Variants in LRGUK observed in about 807,000 individuals in gnomAD.
The protein encoded by LRGUK is leucine-rich repeat and guanylate kinase domain-containing protein.
In LRGUK, 65 loss-of-function variants were observed where a neutral mutation model predicts 76.0. The ratio of observed to expected loss-of-function variants is 0.85; its 90% CI spans 0.70 to 1.05. The LOEUF (loss-of-function observed/expected upper bound fraction) is 1.05, where lower values mean the gene tolerates loss of function less well. Among genes scored for constraint, LRGUK ranks in the 50% least tolerant of loss-of-function variants. LRGUK has a pLI of 0.00. For missense variants in LRGUK, 758 were observed against 732.8 expected, an observed-to-expected ratio of 1.03 and a Z score of -0.40; for synonymous variants, 268 against 265.6, an observed-to-expected ratio of 1.01 and a Z score of -0.09.
chr7:134,222,626 T>TG (rs1801629687), intron 16 of LRGUK, among the ~76,000 whole-genome samples: 1 of 152,074 alleles, frequency 6.6e-6, no homozygotes, highest in Admixed American at 6.5e-5. Context: ...TTTTTTTTTT[T>TG]GAGACGGAGT....
At chr7:134,263,533 C>A (rs559034468) in intron 19 of LRGUK, among the ~76,000 whole-genome samples, 1 of 149,786 alleles carries the variant, frequency 6.7e-6, no homozygotes, top group Admixed American at 6.8e-5. Context: ...GGTCATTGGG[C>A]AACTCTATAC....
intron 18 of LRGUK, among the ~76,000 whole-genome samples, chr7:134,254,612 C>T (rs550662219): frequency 1.3e-5 from 2 of 152,250 alleles, no homozygotes; most frequent in Admixed American, 6.5e-5. Flanking sequence ...ACCTAAGCAC[C>T]TCCTGAAGAC....
chr7:134,213,399 A>T (rs1801348058), downstream of LRGUK, among the ~76,000 whole-genome samples: 1 of 152,142 alleles, frequency 6.6e-6, no homozygotes, highest in Non-Finnish European at 1.5e-5. Context: ...TTAGGTAAAT[A>T]TTTAGATTGC....
chr7:134,273,881 A>G, the LRGUK span, among the ~76,000 whole-genome samples: 2 of 152,142 alleles, frequency 1.3e-5, no homozygotes, highest in African/African-American at 4.8e-5. Context: ...ATTTAATATT[A>G]ATAATAGTCT....
chr7:134,190,948 T>TTCTGGGGATAGAAAGTAGTTGAGC (rs1554467160), intron 11 of LRGUK, among the ~76,000 whole-genome samples: 1 of 41,738 alleles, frequency 2.4e-5, no homozygotes, highest in Non-Finnish European at 5.9e-5. Flanking sequence ...TTGAGCGGTG[T>TTCTGGGGATAGAAAGTAGTTGAGC]GGTGGGATGG....
At chr7:134,261,769 T>C (rs1802734030) in intron 19 of LRGUK, among the ~76,000 whole-genome samples, 1 of 152,228 alleles carries the variant, frequency 6.6e-6, no homozygotes. Flanking sequence ...TTGTGGGCCA[T>C]GTGGGCTCTT....
chr7:134,228,913 A>T (rs889395259), intron 16 of LRGUK, among the ~76,000 whole-genome samples: 2 of 152,178 alleles, frequency 1.3e-5, no homozygotes, highest in African/African-American at 4.8e-5. Flanking sequence ...GTAATTCAAC[A>T]TGGTGTCAGA....
At chr7:134,249,415 T>C (rs938026452) in intron 18 of LRGUK, among the ~76,000 whole-genome samples, 2 of 152,162 alleles carry the variant, frequency 1.3e-5, no homozygotes, top group Admixed American at 6.5e-5. Flanking sequence ...GGCAATGATG[T>C]TCTGCTAATC....
At chr7:134,248,897 G>A in intron 17 of LRGUK, 54 bp from the exon 18 acceptor site, 9 of 1,341,422 alleles carry the variant, frequency 6.7e-6, no homozygotes, top group Non-Finnish European at 6.8e-6. Flanking sequence ...GTGTACACTT[G>A]GTATCTTTAC....
Position 134,249,657 on chromosome 7 carries a change from A to G in LRGUK, c.2198+581A>G, listed in dbSNP as rs111914067. Among the ~76,000 whole-genome samples the G allele has an allele frequency of 2.4e-3, 368 of 152,356 alleles. 1 individual carries two copies. The highest frequency in any genetic ancestry group is 4.7e-3 in the Non-Finnish European group (317 of 68,038). Reference sequence around the variant, plus strand: ...ATGTTTACCAATGGAAGTGCAATACATAAAAGGCCATTTCAGGGTCTCAGT... The same window carrying G: ...ATGTTTACCAATGGAAGTGCAATACGTAAAAGGCCATTTCAGGGTCTCAGT... On this transcript the variant is annotated intron_variant, in intron 18 of 19. Transcript: ENST00000285928.
At chr7:134,172,394 G>T (rs919191571) in intron 7 of LRGUK, among the ~76,000 whole-genome samples, 4 of 152,156 alleles carry the variant, frequency 2.6e-5, no homozygotes, top group African/African-American at 9.7e-5. Flanking sequence ...GACTTTAGTA[G>T]TTCCCTTTAG....
intron 3 of LRGUK, chr7:134,141,488 A>C (rs1295711874): frequency 6.6e-6 from 1 of 152,296 alleles, no homozygotes; most frequent in African/African-American, 2.4e-5. Context: ...CTGCACTGAT[A>C]GGGACCACAG....
At chr7:134,257,015 G>A (rs559007902) in intron 18 of LRGUK, among the ~76,000 whole-genome samples, 1 of 152,272 alleles carries the variant, frequency 6.6e-6, no homozygotes, top group East Asian at 1.9e-4. Flanking sequence ...GCACTGGTCA[G>A]GGAGAGGGGA....
At position 134,247,703 on chromosome 7, in the gene LRGUK, A is replaced by G. The variant is rs1224056590; in HGVS notation, c.2072+59A>G. The G allele has an allele frequency of 3.8e-6, 5 of 1,311,246 alleles. No individual in the cohort carries two copies. In the Admixed American group the frequency reaches 8.6e-5, roughly 23 times the overall value. The allele number at this position is 1,311,246 out of a possible 1,614,324, so 81.2% of individuals were successfully genotyped here. A position where few individuals can be genotyped will look rare whatever the true frequency, so the allele number is the denominator to read the frequency against. On this transcript the variant is annotated intron_variant, in intron 17 of 19. Coordinates refer to the LRGUK transcript ENST00000285928. ...ATTTCCTAGTGTTCAAATAGATCAA[A>G]TGAATCCTAAATCGTGAACATAAAC...
chr7:134,227,139 C>A (rs1043464323), intron 16 of LRGUK, among the ~76,000 whole-genome samples: 1 of 152,066 alleles, frequency 6.6e-6, no homozygotes, highest in Non-Finnish European at 1.5e-5. Flanking sequence ...GAGAGGTGAA[C>A]CTGGTACCAG....
At chr7:134,163,292 A>AT (rs1310241086) in intron 6 of LRGUK, 105 bp from the exon 7 acceptor site, 101 of 1,045,564 alleles carry the variant, frequency 9.7e-5, no homozygotes, top group Non-Finnish European at 1.1e-4. Context: ...TGCCTTCTTG[A>AT]TTTTTTTTAG....
At chr7:134,220,934 A>T (rs552435616) in intron 15 of LRGUK, among the ~76,000 whole-genome samples, 1 of 152,116 alleles carries the variant, frequency 6.6e-6, no homozygotes, top group African/African-American at 2.4e-5. Context: ...CATGTATTCA[A>T]ACCTCAGCCC....
rs563746071 is a variant in LRGUK, at chr7:134,171,688, T to C, written c.940-2868T>C. ...AGTCTGGGGATCAACTGTGCTGAGA[T>C]GACATTCTTGGCAGCAGATGGCTGA... On this transcript the variant is annotated intron_variant, in intron 7 of 15. Transcript: ENST00000645682. Among the ~76,000 whole-genome samples the C allele has an allele frequency of 3.3e-5, 5 of 152,232 alleles. No homozygotes were observed. In the South Asian group the frequency reaches 1.0e-3, roughly 32 times the overall value.
At chr7:134,207,755 G>C (rs1290563594) in intron 15 of LRGUK, among the ~76,000 whole-genome samples, 1 of 152,192 alleles carries the variant, frequency 6.6e-6, no homozygotes, top group African/African-American at 2.4e-5. Context: ...CCCCCAAAGT[G>C]AGCTGAGACT....
Sources: gnomAD v4.1 joint callset for allele counts (sites outside exome capture counted in the v4.1 genomes callset) on GRCh38, gnomAD v4.1.1 for gene constraint, MANE v1.5 for transcripts, NCBI Gene and HGNC (gene_info 2026-07-23, HGNC 2026-07-21) for gene names.